Variants in ATE1 observed in about 807,000 individuals in gnomAD.
The protein encoded by ATE1 is arginyltransferase 1, also known as arginyl-tRNA--protein transferase 1.
A neutral mutation model predicts 70.5 loss-of-function variants in ATE1; 36 were observed. The observed-to-expected ratio is 0.51, with a 90% CI of 0.39 to 0.67. The LOEUF (loss-of-function observed/expected upper bound fraction) is 0.67, where lower values mean the gene tolerates loss of function less well. ATE1 is among the 30% of genes least tolerant of loss of function. The pLI is 0.00. For synonymous variants in ATE1, 232 were observed against 219.3 expected (o/e 1.06, Z -0.51); for missense variants, 593 against 629.5 (o/e 0.94, Z 0.62).
chr10:121,816,328 T>C (rs1590375516), intron 10 of ATE1, among the ~76,000 whole-genome samples: 1 of 152,216 alleles, frequency 6.6e-6, no homozygotes, highest in African/African-American at 2.4e-5. Flanking sequence ...ATGGTTTGAA[T>C]TGTCTTCTCC....
chr10:121,761,474 T>C (rs985655188), intron 11 of ATE1, among the ~76,000 whole-genome samples: 1 of 151,808 alleles, frequency 6.6e-6, no homozygotes, highest in Non-Finnish European at 1.5e-5. Context: ...AGTTTTTTTT[T>C]CCCAACATAA....
At chr10:121,756,699 T>C (rs929303306) in intron 11 of ATE1, among the ~76,000 whole-genome samples, 1 of 152,228 alleles carries the variant, frequency 6.6e-6, no homozygotes, top group Non-Finnish European at 1.5e-5. Context: ...GCCTGAGCTC[T>C]ACCTTGGCCA....
chr10:121,793,552 T>C (rs1482616894), intron 10 of ATE1, among the ~76,000 whole-genome samples: 1 of 152,230 alleles, frequency 6.6e-6, no homozygotes, highest in East Asian at 1.9e-4. Flanking sequence ...ACTTTCCATC[T>C]TTGCTGTTCT....
chr10:121,893,830 C>T (rs10887016), intron 7 of ATE1, among the ~76,000 whole-genome samples: 19,992 of 151,924 alleles, frequency 0.13, 1,485 homozygotes, highest in East Asian at 0.19. Flanking sequence ...AATGCAAAAG[C>T]AAGCAGTAAA....
At chr10:121,874,651 T>C (rs1418190958) in intron 7 of ATE1, among the ~76,000 whole-genome samples, 1 of 152,216 alleles carries the variant, frequency 6.6e-6, no homozygotes, top group Non-Finnish European at 1.5e-5. Context: ...AAAGGATTGT[T>C]TGTGCTACCT....
Position 121,907,007 on chromosome 10 carries a change from T to C in ATE1, c.583+3899A>G, listed in dbSNP as rs142287832. Among the ~76,000 whole-genome samples, 257 of 152,346 alleles carry C rather than the reference T, an allele frequency of 1.7e-3. 6 individuals carry two copies. Among genetic ancestry groups the C allele is most frequent in the Admixed American group, 0.016 (238 of 15,300 alleles). On this transcript the variant is annotated intron_variant, in intron 5 of 11. Transcript: ENST00000224652. ...TTTAATGTTTCAGTAACCATACTGC[T>C]GGAAGTAAGGTTGTTATTCTAAAAC... is the stretch of plus-strand genomic sequence containing the variant.
chr10:121,919,356 C>T (rs891267791), intron 3 of ATE1, among the ~76,000 whole-genome samples: 7 of 152,138 alleles, frequency 4.6e-5, no homozygotes, highest in Admixed American at 6.5e-5. Flanking sequence ...GTCAGGAGTT[C>T]GAGACCAGCT....
chr10:121,745,770 T>C (rs751045849), intron 11 of ATE1, among the ~76,000 whole-genome samples: 4 of 152,008 alleles, frequency 2.6e-5, no homozygotes, highest in Non-Finnish European at 4.4e-5. Flanking sequence ...GAAACACCCA[T>C]ACAAGTGTTT....
intron 8 of ATE1, among the ~76,000 whole-genome samples, chr10:121,856,805 T>TA (rs758304765): frequency 1.3e-5 from 2 of 152,246 alleles, no homozygotes; most frequent in East Asian, 1.9e-4. Flanking sequence ...CTTCAATTTG[T>TA]AAAAAACGGT....
chr10:121,861,364 G>A (rs1202597981), intron 8 of ATE1, among the ~76,000 whole-genome samples: 2 of 151,894 alleles, frequency 1.3e-5, no homozygotes, highest in African/African-American at 4.8e-5. Context: ...TATGGGACTG[G>A]TTTCTAGGAA....
intron 7 of ATE1, among the ~76,000 whole-genome samples, chr10:121,894,314 A>G (rs1950692316): frequency 6.6e-6 from 1 of 152,182 alleles, no homozygotes; most frequent in Admixed American, 6.5e-5. Context: ...TTAAAAAACC[A>G]AAAACAAAAA....
At chr10:121,785,178 CCTCAAATGCAGATAT>C (rs1228926235) in intron 11 of ATE1, among the ~76,000 whole-genome samples, 1 of 151,968 alleles carries the variant, frequency 6.6e-6, no homozygotes, top group Non-Finnish European at 1.5e-5. Flanking sequence ...GGTAGTTTGA[CCTCAAATGCAGATAT>C]GAAAACGATT....
At chr10:121,919,017 T>C (rs138645178) in intron 3 of ATE1, among the ~76,000 whole-genome samples, 6 of 144,822 alleles carry the variant, frequency 4.1e-5, no homozygotes, top group Non-Finnish European at 6.3e-5. Context: ...CAGCACTCTA[T>C]AAAATGGACC....
intron 10 of ATE1, among the ~76,000 whole-genome samples, chr10:121,828,003 C>T (rs552372161): frequency 6.6e-6 from 1 of 152,322 alleles, no homozygotes; most frequent in East Asian, 1.9e-4. Flanking sequence ...TGGTTTTCCT[C>T]TTGTAGTGCT....
rs377608855 is a variant in ATE1 at position 121,911,165 on chromosome 10, G to A, written c.338-14C>T. 111 of 1,598,488 alleles carry A rather than the reference G, an allele frequency of 6.9e-5. No individual in the cohort carries two copies. Among genetic ancestry groups the A allele is most frequent in the Non-Finnish European group, 8.8e-5 (103 of 1,176,846 alleles). On this transcript the variant is annotated splice_polypyrimidine_tract_variant and intron_variant, in intron 4 of 11. Transcript: ENST00000224652. Reference sequence around the variant, plus strand: ...CCATGGGCTCATCTACAAATCAGAAGAAATTAAAAATCCATCAGCTGGGTT... The same window carrying A: ...CCATGGGCTCATCTACAAATCAGAAAAAATTAAAAATCCATCAGCTGGGTT...
intron 8 of ATE1, among the ~76,000 whole-genome samples, chr10:121,854,767 A>G (rs926409761): frequency 6.6e-6 from 1 of 152,232 alleles, no homozygotes; most frequent in Admixed American, 6.5e-5. Context: ...ATCAAGCTGC[A>G]GGCACAAATA....
rs973889445 is a variant in ATE1, at chr10:121,913,798, C to G, written c.329G>C (p.Ser110Thr). 5 of 1,610,886 alleles carry G rather than the reference C, an allele frequency of 3.1e-6. No homozygotes were observed. In the African/African-American group the frequency reaches 6.7e-5, roughly 22 times the overall value. Residue 110 changes from serine to threonine, a missense_variant, in exon 4 of 12, where the codon AGT becomes ACT. Around this residue, in one of 3 missense-constraint regions of ATE1, gnomAD observed 467 missense variants for 469.6 expected, o/e 0.99. Coordinates refer to ENST00000224652, the MANE Select transcript of ATE1 (RefSeq NM_001001976.3). ...FLAKGEVPKG[S>T]CEDEPMDSTM... is the part of the protein sequence containing the mutation. ...GACCCAGCCCATCTTACCCTCACAA[C>G]TTCCTTTGGGAACCTCCCCTTTAGC...
chr10:121,815,429 CCG>C (rs1243179224), intron 10 of ATE1, among the ~76,000 whole-genome samples: 1 of 152,208 alleles, frequency 6.6e-6, no homozygotes, highest in East Asian at 1.9e-4. Flanking sequence ...GCCACCGCGC[CCG>C]GCCGGGAATG....
intron 7 of ATE1, among the ~76,000 whole-genome samples, chr10:121,873,079 T>C (rs1949917475): frequency 6.6e-6 from 1 of 152,118 alleles, no homozygotes; most frequent in Admixed American, 6.5e-5. Flanking sequence ...CTTCTAGGAG[T>C]ATCTTGATTT....
Sources: allele counts gnomAD v4.1 joint callset (sites outside exome capture counted in the v4.1 genomes callset), GRCh38; gene constraint gnomAD v4.1.1; regional missense constraint gnomAD v4.1.1; transcripts MANE v1.5; gene names NCBI Gene and HGNC (gene_info 2026-07-23, HGNC 2026-07-21).